The following PRDM16 variants were observed in gnomAD, a reference collection of about 807,000 sequenced individuals.
PRDM16 encodes histone-lysine N-methyltransferase PRDM16.
In PRDM16, 23 loss-of-function variants were observed where a neutral mutation model predicts 110.6. The observed-to-expected ratio is 0.21, with a 90% CI of 0.15 to 0.29. The LOEUF is 0.29. Among genes scored for constraint, PRDM16 ranks in the 10% least tolerant of loss-of-function variants. The probability of loss-of-function intolerance (pLI) is 1.00; values close to 1 mark genes in which losing one functional copy is unlikely to be tolerated. For missense variants in PRDM16, 1,615 were observed against 1,794.3 expected (o/e 0.90, Z 1.81); for synonymous variants, 799 against 781.8 (o/e 1.02, Z -0.37).
Position 3,353,120 on chromosome 1 carries a change from C to G in PRDM16, c.439-32032C>G, listed in dbSNP as rs566879649. ...CACACCCGAAGAGCTCGAAAGCTGG[C>G]CCCCAGCCCAGACTCCCACGCAGGG... is the stretch of plus-strand genomic sequence containing the variant. On this transcript the variant is annotated intron_variant, in intron 3 of 16. Transcript: ENST00000270722. The surrounding 1 kb of genome is among the most constrained non-coding windows in gnomAD (Gnocchi z 5.4). 4.6e-5 allele frequency among the ~76,000 whole-genome samples: 7 copies of G among 152,334 alleles called. No homozygotes were observed. The East Asian group carries it at 1.4e-3, about 29-fold the overall frequency.
intron 1 of PRDM16, among the ~76,000 whole-genome samples, chr1:3,118,814 C>T (rs1016910111): frequency 4.6e-5 from 7 of 152,322 alleles, no homozygotes; most frequent in African/African-American, 9.6e-5. Flanking sequence ...TGTGTGTGCA[C>T]GTGCATGCGC....
chr1:3,428,554 C>T (rs1178606885), intron 14 of PRDM16, among the ~76,000 whole-genome samples: 1 of 152,196 alleles, frequency 6.6e-6, no homozygotes, highest in Non-Finnish European at 1.5e-5. Context: ...TCCAGCTGGC[C>T]TGGTCCTGAG....
At chr1:3,380,421 G>A (rs1417871679) in intron 3 of PRDM16, among the ~76,000 whole-genome samples, 1 of 152,080 alleles carries the variant, frequency 6.6e-6, no homozygotes, top group Non-Finnish European at 1.5e-5. Flanking sequence ...CGGCCTCCGG[G>A]GACAAGGAGA....
chr1:3,243,001 C>T lies in PRDM16; in HGVS notation c.388-1086C>T, dbSNP rs1020100558. Among the ~76,000 whole-genome samples the T allele has an allele frequency of 2.0e-5, 3 of 152,202 alleles. No individual in the cohort carries two copies. The highest frequency in any genetic ancestry group is 4.8e-5 in the African/African-American group (2 of 41,460). ...AGCACTCTGGGATGGGTCACTGAGACGCCGCCACTCTGGAGTGCAGCCTGG... is the reference window on the plus strand; with the variant it reads ...AGCACTCTGGGATGGGTCACTGAGATGCCGCCACTCTGGAGTGCAGCCTGG... On this transcript the variant is annotated intron_variant, in intron 2 of 16. Transcript: ENST00000270722. This position sits in a 1 kb window ranked among gnomAD's most constrained non-coding sequence, Gnocchi z 5.5.
chr1:3,121,597 G>A (rs933821418), intron 1 of PRDM16, among the ~76,000 whole-genome samples: 11 of 152,244 alleles, frequency 7.2e-5, no homozygotes, highest in Non-Finnish European at 1.5e-4. Flanking sequence ...GGCAAAGGGC[G>A]GTGGTGAGAA....
intron 1 of PRDM16, among the ~76,000 whole-genome samples, chr1:3,096,218 G>A (rs1055747320): frequency 2.6e-5 from 4 of 152,118 alleles, no homozygotes; most frequent in East Asian, 3.9e-4. Context: ...CTCCTTATCT[G>A]CCTTCTTTCC....
intron 3 of PRDM16, among the ~76,000 whole-genome samples, chr1:3,352,265 G>A (rs1325154418): frequency 6.6e-6 from 1 of 152,098 alleles, no homozygotes; most frequent in Non-Finnish European, 1.5e-5. Flanking sequence ...CCCCACCTGC[G>A]GACTGATTCA....
chr1:3,418,036 G>A lies in PRDM16; in HGVS notation c.2861+39G>A, dbSNP rs547470703. 80 of 1,554,560 alleles carry A rather than the reference G, an allele frequency of 5.1e-5. No individual in the cohort carries two copies. The Admixed American group carries it at 1.5e-3, about 29-fold the overall frequency. On this transcript the variant is annotated intron_variant, in intron 11 of 16. Coordinates refer to ENST00000270722, the MANE Select transcript of PRDM16 (RefSeq NM_022114.4). ...TGGTGCTGCTGGGACAGCCCTGGCG[G>A]GGCTCGAGTGCCACACCTGTGGCTG...
intron 1 of PRDM16, among the ~76,000 whole-genome samples, chr1:3,106,065 G>T (rs1570257011): frequency 6.6e-6 from 1 of 152,322 alleles, no homozygotes; most frequent in South Asian, 2.1e-4. Flanking sequence ...TGAGAAGGGG[G>T]CAGGCTGGGG....
At chr1:3,340,692 G>A (rs140259621) in intron 3 of PRDM16, among the ~76,000 whole-genome samples, 1 of 152,324 alleles carries the variant, frequency 6.6e-6, no homozygotes, top group African/African-American at 2.4e-5. Context: ...TCAGCAGCCA[G>A]CACAGTGTTA....
chr1:3,293,870 A>C (rs1223751663), intron 3 of PRDM16, among the ~76,000 whole-genome samples: 3 of 152,210 alleles, frequency 2.0e-5, no homozygotes, highest in Non-Finnish European at 4.4e-5. Context: ...CGGCCCCGGC[A>C]GGTGTCTGAG....
rs1638583834 is a variant in PRDM16, at chr1:3,425,714, C to T, written c.3073C>T (p.Arg1025Trp). The stretch of plus-strand genomic sequence containing the variant: ...CTTCGGGCAGCAGACCAACCTGGAC[C>T]GGCACCTCAAGAAGCACGAGCACGA... Reference protein sequence around the residue: ...RCFGQQTNLDRHLKKHEHENA... With the variant: ...RCFGQQTNLDWHLKKHEHENA... Residue 1025 changes from arginine (R) to tryptophan (W), a missense_variant, in exon 13 of 17, where the codon CGG becomes TGG. Physicochemically the swap from Arg to Trp is moderately radical, Grantham distance 101. Coordinates refer to ENST00000270722, the MANE Select transcript of PRDM16 (RefSeq NM_022114.4). This position sits in a 1 kb window ranked among gnomAD's most constrained non-coding sequence, Gnocchi z 6.9. The T allele has an allele frequency of 1.2e-6, 2 of 1,613,798 alleles. No homozygotes were observed. Among genetic ancestry groups the T allele is most frequent in the Non-Finnish European group, 1.7e-6 (2 of 1,179,940 alleles).
intron 3 of PRDM16, among the ~76,000 whole-genome samples, chr1:3,278,230 C>G (rs1281168644): frequency 6.6e-6 from 1 of 152,240 alleles, no homozygotes; most frequent in Non-Finnish European, 1.5e-5. Context: ...CCCCTCAAGG[C>G]CATGCTGCAT....
intron 2 of PRDM16, among the ~76,000 whole-genome samples, chr1:3,212,357 G>T (rs1638906314): frequency 6.6e-6 from 1 of 152,128 alleles, no homozygotes; most frequent in South Asian, 2.1e-4. Flanking sequence ...ACACCCCTCT[G>T]GCCCTGGCCT....
intron 3 of PRDM16, among the ~76,000 whole-genome samples, chr1:3,337,658 T>C (rs1365431674): frequency 6.6e-6 from 1 of 152,192 alleles, no homozygotes; most frequent in Non-Finnish European, 1.5e-5. Context: ...GCACACACCA[T>C]GCAACCATCT....
chr1:3,121,857 A>C (rs1305394265), intron 1 of PRDM16, among the ~76,000 whole-genome samples: 1 of 152,112 alleles, frequency 6.6e-6, no homozygotes, highest in Non-Finnish European at 1.5e-5. Context: ...CGGGAAGTGG[A>C]GGAAGAAGGG....
rs761654009 is a variant in PRDM16 at position 3,271,957 on chromosome 1, C to T, written c.438+27820C>T. ...GCCTGATCACAAGACCACACATTGC[C>T]CTGGGACACACAGAATGAGACAGCT... On this transcript the variant is annotated intron_variant, in intron 3 of 16. Transcript: ENST00000270722. Among the ~76,000 whole-genome samples the T allele has an allele frequency of 6.3e-4, 96 of 152,310 alleles. 1 individual carries two copies. Among genetic ancestry groups the T allele is most frequent in the Non-Finnish European group, 1.1e-3 (72 of 68,010 alleles).
chr1:3,342,173 G>A (rs557319689), intron 3 of PRDM16, among the ~76,000 whole-genome samples: 10 of 152,250 alleles, frequency 6.6e-5, no homozygotes, highest in South Asian at 2.1e-4. Flanking sequence ...CCTCCCCACC[G>A]AACCCCAGAA....
intron 1 of PRDM16, among the ~76,000 whole-genome samples, chr1:3,084,875 C>T (rs975712103): frequency 4.6e-5 from 7 of 152,194 alleles, no homozygotes; most frequent in African/African-American, 1.7e-4. Context: ...CTCTCGGGTG[C>T]ACACCTGGGG....
Sources: gnomAD v4.1 joint callset for allele counts (sites outside exome capture counted in the v4.1 genomes callset) on GRCh38, gnomAD v4.1.1 for gene constraint, Gnocchi (gnomAD v3.1) non-coding constraint, MANE v1.5 for transcripts, NCBI Gene and HGNC (gene_info 2026-07-23, HGNC 2026-07-21) for gene names.